The following ADAMTSL1 variants were observed in gnomAD, a reference collection of about 807,000 sequenced individuals.
ADAMTSL1 encodes ADAMTS like 1, also known as ADAMTS-like protein 1.
A neutral mutation model predicts 201.8 loss-of-function variants in ADAMTSL1; 126 were observed. That is an observed-to-expected ratio of 0.62 (90% confidence interval 0.54 to 0.72). ADAMTSL1 has a LOEUF of 0.72. ADAMTSL1 is among the 30% of genes least tolerant of loss of function. The pLI is 0.00. For synonymous variants in ADAMTSL1, 1,121 were observed against 903.4 expected (o/e 1.24, Z -4.32); for missense variants, 2,679 against 2,277.8 (o/e 1.18, Z -3.59).
At chr9:18,439,572 CG>C (rs1365368610) in intron 2 of ADAMTSL1, among the ~76,000 whole-genome samples, 9 of 152,174 alleles carry the variant, frequency 5.9e-5, no homozygotes, top group African/African-American at 2.2e-4. Context: ...TCACCATGTT[CG>C]CCAGGATGGT....
intron 2 of ADAMTSL1, among the ~76,000 whole-genome samples, chr9:18,397,136 AT>A (rs1310221377): frequency 6.6e-6 from 1 of 152,046 alleles, no homozygotes; most frequent in Non-Finnish European, 1.5e-5. Context: ...TTCTTATCCG[AT>A]TTTTGTTTCC....
intron 1 of ADAMTSL1, among the ~76,000 whole-genome samples, chr9:18,060,621 A>G (rs2131697246): frequency 6.6e-6 from 1 of 152,264 alleles, no homozygotes; most frequent in East Asian, 1.9e-4. Flanking sequence ...CAAAACAAAA[A>G]CCATAAAACA....
At chr9:18,802,279 A>G (rs1822851489) in intron 20 of ADAMTSL1, among the ~76,000 whole-genome samples, 1 of 151,754 alleles carries the variant, frequency 6.6e-6, no homozygotes, top group Non-Finnish European at 1.5e-5. Flanking sequence ...TCCAAAAACA[A>G]AAAAAACAGG....
At chr9:18,603,719 A>G (rs1198676242) in intron 4 of ADAMTSL1, among the ~76,000 whole-genome samples, 2 of 152,200 alleles carry the variant, frequency 1.3e-5, no homozygotes, top group East Asian at 1.9e-4. Flanking sequence ...AAAATGTAAC[A>G]TAGATTTTAC....
chr9:18,562,004 G>A (rs1434568865), intron 3 of ADAMTSL1, among the ~76,000 whole-genome samples: 2 of 152,030 alleles, frequency 1.3e-5, no homozygotes, highest in African/African-American at 4.8e-5. Context: ...TTTAATTGGG[G>A]CATTTAGTCC....
intron 2 of ADAMTSL1, among the ~76,000 whole-genome samples, chr9:18,241,489 T>G (rs1330820961): frequency 6.6e-6 from 1 of 152,128 alleles, no homozygotes; most frequent in African/African-American, 2.4e-5. Context: ...TTCAGGCTAT[T>G]AATATTCCCT....
intron 2 of ADAMTSL1, among the ~76,000 whole-genome samples, chr9:18,344,073 A>C (rs960663153): frequency 4.6e-5 from 7 of 152,156 alleles, no homozygotes; most frequent in African/African-American, 1.4e-4. Context: ...ATTAGATAAC[A>C]GTCCTAAAGG....
chr9:18,559,023 T>G (rs1350201903), intron 3 of ADAMTSL1, among the ~76,000 whole-genome samples: 1 of 152,190 alleles, frequency 6.6e-6, no homozygotes, highest in African/African-American at 2.4e-5. Flanking sequence ...TAGATCCCAT[T>G]TGTCAATTTT....
chr9:18,366,805 A>C (rs1454899859), intron 2 of ADAMTSL1, among the ~76,000 whole-genome samples: 3 of 151,686 alleles, frequency 2.0e-5, no homozygotes, highest in African/African-American at 7.3e-5. Flanking sequence ...TTTAGTAGAG[A>C]CACCAATGGC....
chr9:18,080,991 T>G (rs1823476976), intron 1 of ADAMTSL1, among the ~76,000 whole-genome samples: 1 of 152,254 alleles, frequency 6.6e-6, no homozygotes, highest in African/African-American at 2.4e-5. Context: ...ATGATTTATC[T>G]GGTGATACAA....
intron 1 of ADAMTSL1, among the ~76,000 whole-genome samples, chr9:18,040,125 A>T (rs1563964445): frequency 6.6e-6 from 1 of 152,210 alleles, no homozygotes; most frequent in African/African-American, 2.4e-5. Context: ...AAAATAAGCC[A>T]GGTTGAGTTC....
Position 18,889,734 on chromosome 9 carries a change from A to G in ADAMTSL1, c.4629A>G (p.Arg1543=). 6.7e-7 allele frequency: 1 copy of G among 1,493,634 alleles called. No individual in the cohort carries two copies. Among genetic ancestry groups the G allele is most frequent in the Non-Finnish European group, 8.9e-7 (1 of 1,119,050 alleles). The allele number at this position is 1,493,634 out of a possible 1,614,324, so 92.5% of individuals were successfully genotyped here. The stretch of plus-strand genomic sequence containing the variant: ...TGCAGCCCATCGCGTGCAACCGGAG[A>G]GACTGCCCTTCTCGGTGAGTGCAGC... ...PAVQPIACNR[R]DCPSRWMVTS... The change falls in exon 25 of 29, where the codon AGA becomes AGG. Residue 1543 remains arginine (R), a synonymous_variant. Coordinates refer to ENST00000380548, the MANE Select transcript of ADAMTSL1 (RefSeq NM_001040272.6).
intron 2 of ADAMTSL1, among the ~76,000 whole-genome samples, chr9:18,285,725 A>T (rs1165671705): frequency 6.6e-6 from 1 of 152,050 alleles, no homozygotes; most frequent in Non-Finnish European, 1.5e-5. Flanking sequence ...ACTGTAGTCA[A>T]ATATACCACT....
chr9:18,245,562 A>C (rs1831229953), intron 2 of ADAMTSL1, among the ~76,000 whole-genome samples: 1 of 152,170 alleles, frequency 6.6e-6, no homozygotes, highest in South Asian at 2.1e-4. Flanking sequence ...AAAATGGGTC[A>C]GGATATAACT....
chr9:18,615,746 T>C (rs1200752833), intron 4 of ADAMTSL1, among the ~76,000 whole-genome samples: 1 of 152,212 alleles, frequency 6.6e-6, no homozygotes, highest in East Asian at 1.9e-4. Flanking sequence ...TCTCTGGTTC[T>C]GAAATGGTAA....
chr9:18,880,973 A>C (rs1828493872), intron 23 of ADAMTSL1, among the ~76,000 whole-genome samples: 1 of 152,194 alleles, frequency 6.6e-6, no homozygotes, highest in African/African-American at 2.4e-5. Flanking sequence ...TTTCTTTCCT[A>C]AAACCTTATG....
At position 18,747,535 on chromosome 9, in the gene ADAMTSL1, G is replaced by T. The variant is rs546327979; in HGVS notation, c.2007-5763G>T. On this transcript the variant is annotated intron_variant, in intron 15 of 28. Transcript: ENST00000380548. ...GGAATACCCAGCAGCAGGCATTCTG[G>T]GCCATGATTTGAATTCTCCAGGCCT... 2.6e-5 allele frequency among the ~76,000 whole-genome samples: 4 copies of T among 151,958 alleles called. No individual in the cohort carries two copies. The South Asian group carries it at 8.3e-4, about 32-fold the overall frequency.
chr9:18,335,103 C>A (rs1162315386), intron 2 of ADAMTSL1, among the ~76,000 whole-genome samples: 1 of 152,036 alleles, frequency 6.6e-6, no homozygotes, highest in Admixed American at 6.6e-5. Context: ...AGTGTAATGA[C>A]AAAGATAATC....
At chr9:18,240,259 A>T (rs527670231) in intron 2 of ADAMTSL1, among the ~76,000 whole-genome samples, 1 of 152,330 alleles carries the variant, frequency 6.6e-6, no homozygotes, top group East Asian at 1.9e-4. Flanking sequence ...GCATGGAAAC[A>T]ACTCTTATCT....
Sources: gnomAD v4.1 joint callset for allele counts (sites outside exome capture counted in the v4.1 genomes callset) on GRCh38, gnomAD v4.1.1 for gene constraint, MANE v1.5 for transcripts, NCBI Gene and HGNC (gene_info 2026-07-23, HGNC 2026-07-21) for gene names.